The following UBQLNL variants were observed in gnomAD, a reference collection of about 807,000 sequenced individuals.
The protein encoded by UBQLNL is ubiquilin like.
For missense variants in UBQLNL, 589 were observed against 567.1 expected (o/e 1.04, Z -0.39); for synonymous variants, 223 against 209.7 (o/e 1.06, Z -0.55).
rs759644752 is a variant in UBQLNL at position 5,515,057 on chromosome 11, G to C, written c.1385C>G (p.Thr462Arg). Residue 462 changes from threonine to arginine, a missense_variant, in exon 1 of 1, where the codon ACA becomes AGA. Thr to Arg is a moderately conservative substitution (Grantham distance 71). Transcript: ENST00000380184. Reference protein sequence around the residue: ...LSEQWRQQLPTFLQQTQISDL... With the variant: ...LSEQWRQQLPRFLQQTQISDL... ...AGAAATCTGTGTCTGCTGCAGGAAT[G>C]TGGGCAGCTGCTGCCTCCACTGTTC... is the stretch of plus-strand genomic sequence containing the variant. 6.2e-7 allele frequency: 1 copy of C among 1,614,176 alleles called. No individual in the cohort carries two copies. The highest frequency in any genetic ancestry group is 8.5e-7 in the Non-Finnish European group (1 of 1,180,032).
In UBQLNL at chr11:5,515,454, G is replaced by C. The variant is rs200323808; in HGVS notation, c.988C>G (p.Arg330Gly). ...QDQLTQHPATRVIYNSSGGFS... is the reference protein window; with the variant it reads ...QDQLTQHPATGVIYNSSGGFS... ...CCACCAGAGCTATTATAGATGACTC[G>C]GGTTGCAGGATGCTGTGTGAGCTGG... The change falls in exon 1 of 1, where the codon CGA (arginine) becomes GGA (glycine). Residue 330 changes from arginine (R) to glycine (G), a missense_variant. Coordinates refer to ENST00000380184, the MANE Select transcript of UBQLNL (RefSeq NM_145053.5). 2.5e-6 allele frequency: 4 copies of C among 1,614,070 alleles called. No homozygotes were observed. The highest frequency in any genetic ancestry group is 3.4e-6 in the Non-Finnish European group (4 of 1,180,038).
Position 5,515,780 on chromosome 11 carries a change from A to C in UBQLNL, c.662T>G (p.Ile221Ser). ...GGCCAGCTCCAGAGTCTGCAATAGG[A>C]TCTCAGAATTATCAAGAAGAAGGCG... is the stretch of plus-strand genomic sequence containing the variant. The part of the protein sequence containing the change: ...VSRLLLDNSE[I>S]LLQTLELARN... The change falls in exon 1 of 1, where the codon ATC becomes AGC. Residue 221 changes from isoleucine (I) to serine (S), a missense_variant. Coordinates refer to ENST00000380184, the MANE Select transcript of UBQLNL (RefSeq NM_145053.5). The C allele has an allele frequency of 1.2e-6, 2 of 1,613,968 alleles. No homozygotes were observed. Among genetic ancestry groups the C allele is most frequent in the South Asian group, 2.2e-5 (2 of 91,084 alleles).
In UBQLNL at chr11:5,515,377, AGT is replaced by A. The variant is rs1477682773; in HGVS notation, c.1033_1034del (p.Thr345PhefsTer30). The A allele has an allele frequency of 1.2e-6, 2 of 1,614,150 alleles. No homozygotes were observed. The highest frequency in any genetic ancestry group is 1.6e-4 in the Middle Eastern group (1 of 6,062). On this transcript the variant is annotated frameshift_variant, in exon 2 of 2. Coordinates refer to the UBQLNL transcript ENST00000673910. LOFTEE classifies it low-confidence loss of function (END_TRUNC). The stretch of plus-strand genomic sequence containing the variant: ...AAATCATAGCAGTGTTGGCTTTGGA[AGT>A]GTGGTTGACCTTGTTAAGGGTGTCA...
chr11:5,514,916 G>T lies in UBQLNL; in HGVS notation c.*98C>A, dbSNP rs1344533282. On this transcript the variant is annotated 3_prime_UTR_variant, in exon 1 of 1. Transcript: ENST00000380184. ...CAGGAAGCCAACCCAGGCCCCATAGGTAGGGTGCAACCCAAGGCAGAAGAA... is the reference window on the plus strand; with the variant it reads ...CAGGAAGCCAACCCAGGCCCCATAGTTAGGGTGCAACCCAAGGCAGAAGAA... The T allele has an allele frequency of 1.6e-6, 2 of 1,271,180 alleles. No homozygotes were observed. The highest frequency in any genetic ancestry group is 2.2e-6 in the Non-Finnish European group (2 of 915,798). 78.7% of individuals were successfully genotyped at this position (1,271,180 alleles called of 1,614,324 possible).
chr11:5,516,052 T>G lies in UBQLNL; in HGVS notation c.390A>C (p.Gly130=), dbSNP rs1024281401. 3.7e-6 allele frequency: 6 copies of G among 1,614,082 alleles called. No individual in the cohort carries two copies. The highest frequency in any genetic ancestry group is 5.1e-6 in the Non-Finnish European group (6 of 1,179,950). ...DPCHRDRNTK[G]NSSRVHQPTG... ...TTGGTTGGTGCACTCTGCTGCTGTTTCCTTTGGTGTTTCTGTCCCGGTGGC... is the reference window on the plus strand; with the variant it reads ...TTGGTTGGTGCACTCTGCTGCTGTTGCCTTTGGTGTTTCTGTCCCGGTGGC... The change falls in exon 1 of 1, where the codon GGA becomes GGC. Residue 130 remains glycine (G), a synonymous_variant. Coordinates refer to ENST00000380184, the MANE Select transcript of UBQLNL (RefSeq NM_145053.5).
chr11:5,515,167 G>A lies in UBQLNL; in HGVS notation c.1275C>T (p.Ile425=). 1 of 1,614,232 alleles carries A rather than the reference G, an allele frequency of 6.2e-7. No homozygotes were observed. Among genetic ancestry groups the A allele is most frequent in the South Asian group, 1.1e-5 (1 of 91,084 alleles). The change falls in exon 1 of 1, where the codon ATC becomes ATT. Residue 425 remains isoleucine, a synonymous_variant. Transcript: ENST00000380184. ...TAAGCAACTGCATCATGCCTCCTGT[G>A]ATCTGGGAGCTGCTCTGCTCATCTG... is the stretch of plus-strand genomic sequence containing the variant. ...QLSDEQSSSQ[I]TGGMMQLLMN...
rs1356899161 is a variant in UBQLNL, at chr11:5,515,887, C to T, written c.555G>A (p.Leu185=). Residue 185 remains leucine (L), a synonymous_variant, in exon 1 of 1, where the codon CTG becomes CTA. Coordinates refer to ENST00000380184, the MANE Select transcript of UBQLNL (RefSeq NM_145053.5). ...ACTGCCACATGAACTCCATGTTGGA[C>T]AGAAGCCGCTGGATGCTAGGATTCT... ...MLENPSIQRL[L]SNMEFMWQFI... The T allele has an allele frequency of 6.2e-7, 1 of 1,614,146 alleles. No individual in the cohort carries two copies. The highest frequency in any genetic ancestry group is 1.1e-5 in the South Asian group (1 of 91,086).
rs1387892578 is a variant in UBQLNL at position 5,515,605 on chromosome 11, A to G, written c.837T>C (p.Asp279=). 1 of 1,614,112 alleles carries G rather than the reference A, an allele frequency of 6.2e-7. No individual in the cohort carries two copies. Residue 279 remains aspartate (D), a synonymous_variant, in exon 1 of 1, where the codon GAT becomes GAC. Transcript: ENST00000380184. ...ALGQNYADIN[D]QMLNSMQDPF... Reference sequence around the variant, plus strand: ...GATCTTGCATGCTGTTCAGCATTTGATCATTGATATCAGCATAGTTCTGAC... The same window carrying G: ...GATCTTGCATGCTGTTCAGCATTTGGTCATTGATATCAGCATAGTTCTGAC...
Position 5,515,306 on chromosome 11 carries a change from C to G in UBQLNL, c.1136G>C (p.Trp379Ser). Residue 379 changes from tryptophan to serine, a missense_variant, in exon 1 of 1, where the codon TGG becomes TCG. Coordinates refer to ENST00000380184, the MANE Select transcript of UBQLNL (RefSeq NM_145053.5). ...CTCTATGCTAGGTAAGGCTGGTATC[C>G]AAGCTGGCTGCCGAGTGGCACAGAT... The part of the protein sequence containing the change: ...SHICATRQPA[W>S]IPALPSIELT... 6.2e-7 allele frequency: 1 copy of G among 1,614,196 alleles called. No homozygotes were observed. Among genetic ancestry groups the G allele is most frequent in the Non-Finnish European group, 8.5e-7 (1 of 1,180,048 alleles).
In UBQLNL at chr11:5,516,248, C is replaced by A. The variant is rs551323675; in HGVS notation, c.194G>T (p.Cys65Phe). 2.3e-5 allele frequency: 37 copies of A among 1,614,204 alleles called. No individual in the cohort carries two copies. The highest frequency in any genetic ancestry group is 3.0e-5 in the Non-Finnish European group (35 of 1,180,036). Residue 65 changes from cysteine to phenylalanine, a missense_variant, in exon 1 of 1, where the codon TGC becomes TTC. Coordinates refer to ENST00000380184, the MANE Select transcript of UBQLNL (RefSeq NM_145053.5). ...GACCAGCACTAGTTGGTCCATCTGG[C>A]ATTGGAAGTGAGCCAATAGCATCTC... ...FKEMLLAHFQ[C>F]QMDQLVLVFM...
Position 5,515,651 on chromosome 11 carries a change from G to A in UBQLNL, c.791C>T (p.Pro264Leu), listed in dbSNP as rs752518270. The A allele has an allele frequency of 1.9e-6, 3 of 1,614,160 alleles. No individual in the cohort carries two copies. In the Middle Eastern group the frequency reaches 4.9e-4, roughly 266 times the overall value. Residue 264 changes from proline to leucine, a missense_variant, in exon 1 of 1, where the codon CCA becomes CTA. Physicochemically the swap from Pro to Leu is moderately conservative, Grantham distance 98 (BLOSUM62 -3). Transcript: ENST00000380184. ...PQPYLGLETM[P>L]GGNNALGQNY... ...CTGACCCAGGGCATTATTCCCACCTGGCATTGTCTCTAAGCCCAGATATGG... is the reference window on the plus strand; with the variant it reads ...CTGACCCAGGGCATTATTCCCACCTAGCATTGTCTCTAAGCCCAGATATGG...
Position 5,514,739 on chromosome 11 carries a change from A to C in UBQLNL, c.*275T>G. On this transcript the variant is annotated 3_prime_UTR_variant, in exon 1 of 1. Transcript: ENST00000380184. ...TCTGTTTGCTAAAACAAATCTCAGG[A>C]GCTTGCAGAGGGTGGGAAGGGTCCC... The C allele has an allele frequency of 2.3e-6, 1 of 431,430 alleles. No individual in the cohort carries two copies. Among genetic ancestry groups the C allele is most frequent in the Non-Finnish European group, 4.1e-6 (1 of 242,342 alleles). 26.7% of individuals were successfully genotyped at this position (431,430 alleles called of 1,614,324 possible).
Position 5,515,791 on chromosome 11 carries a change from A to G in UBQLNL, c.651T>C (p.Asp217=), listed in dbSNP as rs528295365. Residue 217 remains aspartate, a synonymous_variant, in exon 1 of 1, where the codon GAT becomes GAC. Coordinates refer to ENST00000380184, the MANE Select transcript of UBQLNL (RefSeq NM_145053.5). ...GAGTCTGCAATAGGATCTCAGAATTATCAAGAAGAAGGCGGGAAACTTCTG... is the reference window on the plus strand; with the variant it reads ...GAGTCTGCAATAGGATCTCAGAATTGTCAAGAAGAAGGCGGGAAACTTCTG... The part of the protein sequence containing the change: ...QNPEVSRLLL[D]NSEILLQTLE... 88 of 1,614,106 alleles carry G rather than the reference A, an allele frequency of 5.5e-5. 1 individual carries two copies. The South Asian group carries it at 8.8e-4, about 16-fold the overall frequency.
Position 5,515,215 on chromosome 11 carries a change from T to C in UBQLNL, c.1227A>G (p.Thr409=). 6.2e-7 allele frequency: 1 copy of C among 1,614,226 alleles called. No homozygotes were observed. The highest frequency in any genetic ancestry group is 1.3e-5 in the African/African-American group (1 of 75,062). The part of the protein sequence containing the change: ...ATVSLSSSRQ[T]LKGDLQLSDE... ...CTGACAGCTGGAGATCACCCTTTAATGTCTGTCTGGAGCTACTTAGAGAAA... is the reference window on the plus strand; with the variant it reads ...CTGACAGCTGGAGATCACCCTTTAACGTCTGTCTGGAGCTACTTAGAGAAA... Residue 409 remains threonine (T), a synonymous_variant, in exon 1 of 1, where the codon ACA becomes ACG. Coordinates refer to ENST00000380184, the MANE Select transcript of UBQLNL (RefSeq NM_145053.5).
At position 5,516,366 on chromosome 11, in the gene UBQLNL, T is replaced by TTA; in HGVS notation, c.45_46insTA (p.Ile16Ter). The stretch of plus-strand genomic sequence containing the variant: ...ATCACTCGAGTGGCACTTGAAGAGA[T>TTA]ATTTTTGTCTGCCAGCAGACCTGAT... On this transcript the variant is annotated frameshift_variant, in exon 2 of 2. Coordinates refer to the UBQLNL transcript ENST00000673910. LOFTEE classifies it low-confidence loss of function (END_TRUNC). 2 of 1,614,110 alleles carry TTA rather than the reference T, an allele frequency of 1.2e-6. No individual in the cohort carries two copies. Among genetic ancestry groups the TTA allele is most frequent in the East Asian group, 4.5e-5 (2 of 44,890 alleles).
Position 5,515,667 on chromosome 11 carries a change from C to T in UBQLNL, c.775G>A (p.Gly259Ser), listed in dbSNP as rs769322049. The change falls in exon 1 of 1, where the codon GGC becomes AGC. Residue 259 changes from glycine to serine, a missense_variant. By Grantham distance (56) the Gly-to-Ser change is moderately conservative. Coordinates refer to ENST00000380184, the MANE Select transcript of UBQLNL (RefSeq NM_145053.5). ...TTCCCACCTGGCATTGTCTCTAAGCCCAGATATGGCTGTGGGTTCAGTGGA... is the reference window on the plus strand; with the variant it reads ...TTCCCACCTGGCATTGTCTCTAAGCTCAGATATGGCTGTGGGTTCAGTGGA... ...EYPLNPQPYL[G>S]LETMPGGNNA... 2 of 1,614,088 alleles carry T rather than the reference C, an allele frequency of 1.2e-6. No homozygotes were observed. The highest frequency in any genetic ancestry group is 1.3e-5 in the African/African-American group (1 of 75,010).
Position 5,515,061 on chromosome 11 carries a change from G to A in UBQLNL, c.1381C>T (p.Pro461Ser). Residue 461 changes from proline (P) to serine (S), a missense_variant, in exon 1 of 1, where the codon CCC becomes TCC. Pro to Ser is a moderately conservative substitution (Grantham distance 74). Coordinates refer to ENST00000380184, the MANE Select transcript of UBQLNL (RefSeq NM_145053.5). ...QLSEQWRQQL[P>S]TFLQQTQISD... ...ATCTGTGTCTGCTGCAGGAATGTGGGCAGCTGCTGCCTCCACTGTTCACTC... is the reference window on the plus strand; with the variant it reads ...ATCTGTGTCTGCTGCAGGAATGTGGACAGCTGCTGCCTCCACTGTTCACTC... The A allele has an allele frequency of 6.2e-7, 1 of 1,614,176 alleles. No homozygotes were observed. Among genetic ancestry groups the A allele is most frequent in the Non-Finnish European group, 8.5e-7 (1 of 1,180,032 alleles).
chr11:5,516,656 G>A lies in UBQLNL; in HGVS notation c.-215C>T, dbSNP rs1846540681. ...CCAGTTCTCCAGATGTGGCCCAGCT[G>A]AGGCCTGGCATAGCTACTGATTCAT... On this transcript the variant is annotated 5_prime_UTR_variant, in exon 1 of 1. Coordinates refer to ENST00000380184, the MANE Select transcript of UBQLNL (RefSeq NM_145053.5). 2 of 569,688 alleles carry A rather than the reference G, an allele frequency of 3.5e-6. No homozygotes were observed. Among genetic ancestry groups the A allele is most frequent in the Non-Finnish European group, 6.4e-6 (2 of 311,976 alleles). 35.3% of individuals were successfully genotyped at this position (569,688 alleles called of 1,614,324 possible). A position where few individuals can be genotyped will look rare whatever the true frequency, so the allele number is the denominator to read the frequency against.
Position 5,515,010 on chromosome 11 carries a change from T to C in UBQLNL, c.*4A>G. ...CAATATTGCTTGGAATGCTTTAGGG[T>C]TGCCTAAGCACTAAGCAGATCAGAA... On this transcript the variant is annotated 3_prime_UTR_variant, in exon 1 of 1. Coordinates refer to ENST00000380184, the MANE Select transcript of UBQLNL (RefSeq NM_145053.5). The C allele has an allele frequency of 6.2e-7, 1 of 1,611,268 alleles. No individual in the cohort carries two copies. The highest frequency in any genetic ancestry group is 2.2e-5 in the East Asian group (1 of 44,856).
Sources: allele counts gnomAD v4.1 joint callset, GRCh38; gene constraint gnomAD v4.1.1; transcripts MANE v1.5; gene names NCBI Gene and HGNC (gene_info 2026-07-23, HGNC 2026-07-21).